The following SWT1 variants were observed in gnomAD, a reference collection of about 807,000 sequenced individuals.
SWT1 encodes SWT1 RNA endoribonuclease homolog, also known as transcriptional protein SWT1.
In SWT1, 33 loss-of-function variants were observed where a neutral mutation model predicts 107.3. The ratio of observed to expected loss-of-function variants is 0.31; its 90% CI spans 0.23 to 0.41. The LOEUF is 0.41. Ranked by LOEUF, SWT1 falls within the 10% of genes least tolerant of loss-of-function variation. The pLI, the probability that SWT1 is intolerant of heterozygous loss-of-function variation, is 1.00. For synonymous variants in SWT1, 345 were observed against 348.3 expected (o/e 0.99, Z 0.11); for missense variants, 898 against 1,028.9 (o/e 0.87, Z 1.74).
chr1:185,206,758 G>T lies in SWT1; in HGVS notation c.1967G>T (p.Arg656Leu). 1.3e-6 allele frequency: 2 copies of T among 1,589,978 alleles called. No individual in the cohort carries two copies. Among genetic ancestry groups the T allele is most frequent in the Admixed American group, 1.8e-5 (1 of 54,524 alleles). ...ATTGAGAGCCTATACAAAAATCTCC[G>T]TAAAGGTATGAATCTTTTATTTTTC... ...LTIESLYKNLRKANKAVDFTT... is the reference protein window; with the variant it reads ...LTIESLYKNLLKANKAVDFTT... The change falls in exon 13 of 19, where the codon CGT becomes CTT. Residue 656 changes from arginine to leucine, a missense_variant. Around this residue, in one of 6 missense-constraint regions of SWT1, gnomAD observed 382 missense variants for 460.0 expected, o/e 0.83. Coordinates refer to ENST00000367500, the MANE Select transcript of SWT1 (RefSeq NM_017673.7).
chr1:185,236,812 C>G (rs1436528181), intron 16 of SWT1, among the ~76,000 whole-genome samples: 1 of 152,028 alleles, frequency 6.6e-6, no homozygotes, highest in Non-Finnish European at 1.5e-5. Context: ...TGCAATCTAT[C>G]CATCTGACAA....
intron 16 of SWT1, among the ~76,000 whole-genome samples, chr1:185,254,951 A>G (rs1218533406): frequency 3.3e-5 from 5 of 152,100 alleles, no homozygotes; most frequent in South Asian, 4.2e-4. Context: ...ACTGCGTTGA[A>G]TGCGTCCCAG....
intron 15 of SWT1, chr1:185,227,844 G>A (rs112031697): frequency 1.2e-5 from 3 of 256,094 alleles, no homozygotes; most frequent in African/African-American, 4.6e-5. Context: ...CCAGCACTTT[G>A]GGAGGCAGAG....
intron 16 of SWT1, among the ~76,000 whole-genome samples, chr1:185,233,830 G>A (rs112775119): frequency 1.9e-4 from 29 of 152,194 alleles, no homozygotes; most frequent in African/African-American, 6.3e-4. Context: ...TGCAAGCTCC[G>A]CCTCCTGGGT....
At chr1:185,238,147 C>G (rs1661025283) in intron 16 of SWT1, among the ~76,000 whole-genome samples, 1 of 151,964 alleles carries the variant, frequency 6.6e-6, no homozygotes, top group Non-Finnish European at 1.5e-5. Context: ...CCACCACAGT[C>G]AGCTAATTTT....
intron 14 of SWT1, among the ~76,000 whole-genome samples, chr1:185,221,141 C>T (rs1659627648): frequency 6.6e-6 from 1 of 152,158 alleles, no homozygotes; most frequent in Non-Finnish European, 1.5e-5. Context: ...TCTTCTAACA[C>T]ATCTAGGTTA....
intron 16 of SWT1, among the ~76,000 whole-genome samples, chr1:185,259,331 C>T (rs1335502890): frequency 2.0e-5 from 3 of 152,122 alleles, no homozygotes; most frequent in Admixed American, 6.5e-5. Flanking sequence ...AACATACAAT[C>T]AGCAATCAAT....
At chr1:185,275,111 A>G (rs1664149464) in intron 17 of SWT1, among the ~76,000 whole-genome samples, 1 of 152,220 alleles carries the variant, frequency 6.6e-6, no homozygotes, top group Non-Finnish European at 1.5e-5. Flanking sequence ...AAATTATTTT[A>G]TATTCATATT....
At chr1:185,280,945 T>C (rs1664578328) in intron 18 of SWT1, 1 of 484,550 alleles carries the variant, frequency 2.1e-6, no homozygotes, top group Non-Finnish European at 4.2e-6. Flanking sequence ...ACCAGAAGCA[T>C]GTTGGTGTGC....
intron 16 of SWT1, among the ~76,000 whole-genome samples, chr1:185,237,126 C>A (rs1263617497): frequency 6.6e-6 from 1 of 151,942 alleles, no homozygotes; most frequent in African/African-American, 2.4e-5. Context: ...TTTCCACCAT[C>A]ATGGAAGACA....
chr1:185,272,909 A>C (rs1277547042), intron 17 of SWT1, among the ~76,000 whole-genome samples: 1 of 151,742 alleles, frequency 6.6e-6, no homozygotes, highest in East Asian at 1.9e-4. Context: ...GGTGGCATGC[A>C]CCTGTGGTCC....
chr1:185,256,998 C>T (rs1385692435), intron 16 of SWT1, among the ~76,000 whole-genome samples: 1 of 152,114 alleles, frequency 6.6e-6, no homozygotes, highest in Non-Finnish European at 1.5e-5. Context: ...TTCCTTCTAA[C>T]AGACAGGACC....
In SWT1 at chr1:185,191,702, TTAA is replaced by T. The variant is rs567376368; in HGVS notation, c.1523+1066_1523+1068del. On this transcript the variant is annotated intron_variant, in intron 10 of 18. Coordinates refer to ENST00000367500, the MANE Select transcript of SWT1 (RefSeq NM_017673.7). ...GAGTTTGTTGAAGGCTGAAATAGAA[TTAA>T]TAATATATAAATCATTTTGAATTTG... is the stretch of plus-strand genomic sequence containing the variant. Among the ~76,000 whole-genome samples, 20 of 152,312 alleles carry T rather than the reference TTAA, an allele frequency of 1.3e-4. No individual in the cohort carries two copies. The South Asian group carries it at 4.1e-3, about 32-fold the overall frequency.
intron 16 of SWT1, among the ~76,000 whole-genome samples, chr1:185,255,197 C>CA (rs1482526639): frequency 6.6e-6 from 1 of 151,896 alleles, no homozygotes. Context: ...GCTTTACTTC[C>CA]AAGTATGTGG....
chr1:185,180,314 G>T lies in SWT1; in HGVS notation c.967-77G>T, dbSNP rs1289334239. On this transcript the variant is annotated intron_variant, in intron 5 of 18. Transcript: ENST00000367500. ...CTAAAGTGAATTATCTGACCCTGAA[G>T]GTTAATAGTGACAAGGTTGAAAAAC... The T allele has an allele frequency of 5.2e-6, 6 of 1,163,064 alleles. No homozygotes were observed. The Admixed American group carries it at 1.0e-4, about 20-fold the overall frequency. 72.0% of individuals were successfully genotyped at this position (1,163,064 alleles called of 1,614,324 possible).
intron 16 of SWT1, among the ~76,000 whole-genome samples, chr1:185,260,121 A>C (rs927593908): frequency 6.6e-6 from 1 of 152,172 alleles, no homozygotes; most frequent in Non-Finnish European, 1.5e-5. Flanking sequence ...GGATGAGTGC[A>C]CATGATGGCT....
chr1:185,209,941 A>G (rs1658643393), intron 13 of SWT1, among the ~76,000 whole-genome samples: 2 of 152,148 alleles, frequency 1.3e-5, no homozygotes, highest in Admixed American at 1.3e-4. Context: ...ATGGTATCTC[A>G]TTGTGCTTTT....
At chr1:185,249,186 C>T (rs1661830860) in intron 16 of SWT1, among the ~76,000 whole-genome samples, 1 of 152,168 alleles carries the variant, frequency 6.6e-6, no homozygotes, top group Non-Finnish European at 1.5e-5. Context: ...GTAGCCTGAG[C>T]TTTGTCGCAG....
At chr1:185,271,264 G>C (rs944853426) in intron 16 of SWT1, 59 bp from the exon 17 acceptor site, 1 of 865,628 alleles carries the variant, frequency 1.2e-6, no homozygotes, top group African/African-American at 1.7e-5. Flanking sequence ...GAAAGTTCAA[G>C]GTATTGGTTT....
Sources: allele counts gnomAD v4.1 joint callset (sites outside exome capture counted in the v4.1 genomes callset), GRCh38; gene constraint gnomAD v4.1.1; regional missense constraint gnomAD v4.1.1; transcripts MANE v1.5; gene names NCBI Gene and HGNC (gene_info 2026-07-23, HGNC 2026-07-21).